The following LMO7 variants were observed in gnomAD, a reference collection of about 807,000 sequenced individuals.
LMO7 encodes LIM domain 7, also known as LIM domain only protein 7.
LMO7 carries 120 observed loss-of-function variants against 206.5 expected under a neutral mutation model. The ratio of observed to expected loss-of-function variants is 0.58; its 90% CI spans 0.50 to 0.68. The LOEUF is 0.68. Among genes scored for constraint, LMO7 ranks in the 30% least tolerant of loss-of-function variants. The probability of loss-of-function intolerance (pLI) is 0.00; values close to 1 mark genes in which losing one functional copy is unlikely to be tolerated. For synonymous variants in LMO7, 706 were observed against 681.5 expected (o/e 1.04, Z -0.56); for missense variants, 1,959 against 1,957.9 (o/e 1.00, Z -0.01).
intron 3 of LMO7, among the ~76,000 whole-genome samples, chr13:75,733,336 G>A (rs924928269): frequency 1.3e-5 from 2 of 152,186 alleles, no homozygotes; most frequent in African/African-American, 2.4e-5. Context: ...AATGGCGGGC[G>A]CCCCTCCCCC....
At chr13:75,738,799 C>T (rs767028693) in intron 3 of LMO7, among the ~76,000 whole-genome samples, 6 of 152,044 alleles carry the variant, frequency 3.9e-5, no homozygotes, top group Non-Finnish European at 7.4e-5. Context: ...TAATGTTTAC[C>T]ATCTGATATG....
intron 4 of LMO7, among the ~76,000 whole-genome samples, chr13:75,783,811 A>G (rs606853): frequency 0.014 from 2,160 of 152,154 alleles, 62 homozygotes; most frequent in African/African-American, 0.049. Flanking sequence ...CTTTGGTCTG[A>G]TGGTATGTTT....
chr13:75,832,901 C>A, intron 15 of LMO7, 150 bp from the exon 16 acceptor site: 1 of 517,600 alleles, frequency 1.9e-6, no homozygotes, highest in Non-Finnish European at 3.5e-6. Flanking sequence ...GAAAGTTTTA[C>A]CAACCTAAGG....
chr13:75,653,699 G>A (rs1458104985), intron 1 of LMO7, among the ~76,000 whole-genome samples: 1 of 152,156 alleles, frequency 6.6e-6, no homozygotes, highest in Non-Finnish European at 1.5e-5. Flanking sequence ...AGTCTGTAGT[G>A]GCTCAGGTAT....
At chr13:75,731,784 T>C (rs1389100907) in intron 3 of LMO7, among the ~76,000 whole-genome samples, 1 of 152,198 alleles carries the variant, frequency 6.6e-6, no homozygotes, top group African/African-American at 2.4e-5. Flanking sequence ...TTCCTTTCCA[T>C]GTTTAGCGCT....
rs149540094 is a variant in LMO7 at position 75,693,343 on chromosome 13, CTAT to C, written c.70-19833_70-19831del. On this transcript the variant is annotated intron_variant, in intron 1 of 30. Coordinates refer to ENST00000377534, the MANE Select transcript of LMO7 (RefSeq NM_001306080.2). Reference sequence around the variant, plus strand: ...TTTTTGTGTAGCACTGACATTTGTTCTATTATTAGCCTGTTTCTGGAATATGGG... The same window carrying C: ...TTTTTGTGTAGCACTGACATTTGTTCTATTAGCCTGTTTCTGGAATATGGG... Among the ~76,000 whole-genome samples, 766 of 152,252 alleles carry C rather than the reference CTAT, an allele frequency of 5.0e-3. 8 individuals are homozygous for C. Among genetic ancestry groups the C allele is most frequent in the African/African-American group, 0.018 (734 of 41,542 alleles).
intron 1 of LMO7, among the ~76,000 whole-genome samples, chr13:75,708,690 G>A (rs955728225): frequency 6.6e-6 from 1 of 152,198 alleles, no homozygotes; most frequent in African/African-American, 2.4e-5. Context: ...AGTTTCTCTT[G>A]CACAGGTTGG....
chr13:75,649,763 T>G (rs191311198), intron 1 of LMO7, among the ~76,000 whole-genome samples: 73 of 152,282 alleles, frequency 4.8e-4, no homozygotes, highest in Non-Finnish European at 8.7e-4. Flanking sequence ...GCCCTTAATA[T>G]CTAAGGAAAT....
chr13:75,681,730 A>G (rs199778043), intron 1 of LMO7, among the ~76,000 whole-genome samples: 43 of 130,322 alleles, frequency 3.3e-4, no homozygotes, highest in African/African-American at 1.1e-3. Flanking sequence ...ATATATATAT[A>G]TATATATATA....
rs530937325 is a variant in LMO7, at chr13:75,715,027, C to T, written c.140+1775C>T. ...AAAGCATATATCTCGAATATATGAT[C>T]TTTCAAAGAAGTAATTTTGTAGGTT... On this transcript the variant is annotated intron_variant, in intron 2 of 30. Transcript: ENST00000377534. Among the ~76,000 whole-genome samples, 4 of 152,262 alleles carry T rather than the reference C, an allele frequency of 2.6e-5. No individual in the cohort carries two copies. The South Asian group carries it at 8.3e-4, about 32-fold the overall frequency.
rs375786926 is a variant in LMO7, at chr13:75,763,269, G to A, written c.317+2231G>A. ...TGAATACACTTTAATGCACGGGATA[G>A]CCTCCACAACAAAGAATTTTCCTAC... On this transcript the variant is annotated intron_variant, in intron 4 of 30. Transcript: ENST00000377534. Among the ~76,000 whole-genome samples, 20 of 152,196 alleles carry A rather than the reference G, an allele frequency of 1.3e-4. No individual in the cohort carries two copies. The South Asian group carries it at 4.1e-3, about 32-fold the overall frequency.
In LMO7 at chr13:75,693,584, G is replaced by A. The variant is rs2041663987; in HGVS notation, c.70-19598G>A. ...CTCCATGCTCTGTTCCAGGACATAG[G>A]GTAATTATCATTATTCTCTGTTGTG... On this transcript the variant is annotated intron_variant, in intron 1 of 30. Coordinates refer to ENST00000377534, the MANE Select transcript of LMO7 (RefSeq NM_001306080.2). Among the ~76,000 whole-genome samples, 3 of 152,150 alleles carry A rather than the reference G, an allele frequency of 2.0e-5. No individual in the cohort carries two copies. The South Asian group carries it at 6.2e-4, about 32-fold the overall frequency.
chr13:75,822,092 T>C (rs2057639881), intron 14 of LMO7, among the ~76,000 whole-genome samples: 2 of 152,188 alleles, frequency 1.3e-5, no homozygotes, highest in South Asian at 2.1e-4. Flanking sequence ...CGTTTATATA[T>C]ATGTGTTTCT....
In LMO7 at chr13:75,822,826, AT is replaced by A. The variant is rs1253572307; in HGVS notation, c.2641-738del. Among the ~76,000 whole-genome samples, 85 of 12,330 alleles carry A rather than the reference AT, an allele frequency of 6.9e-3. 1 individual carries two copies. The highest frequency in any genetic ancestry group is 6.8e-3 in the Non-Finnish European group (30 of 4,444). 8.1% of individuals were successfully genotyped at this position (12,330 alleles called of 152,430 possible). ...CTAAAAATTATATATATATAATAAA[AT>A]ATATATATATATATATAAAACTTTT... On this transcript the variant is annotated intron_variant, in intron 14 of 30. Coordinates refer to ENST00000377534, the MANE Select transcript of LMO7 (RefSeq NM_001306080.2).
intron 3 of LMO7, among the ~76,000 whole-genome samples, chr13:75,749,676 T>C (rs1219316696): frequency 2.6e-5 from 4 of 152,214 alleles, no homozygotes; most frequent in Non-Finnish European, 5.9e-5. Context: ...GGCATTGTTA[T>C]CCTATGTAAT....
chr13:75,742,956 A>G (rs895479531), intron 3 of LMO7, among the ~76,000 whole-genome samples: 1 of 152,206 alleles, frequency 6.6e-6, no homozygotes, highest in African/African-American at 2.4e-5. Flanking sequence ...ATGGGAGAAA[A>G]TTTTTGCAAA....
At chr13:75,690,625 A>ACT (rs757807435) in intron 1 of LMO7, among the ~76,000 whole-genome samples, 1 of 151,946 alleles carries the variant, frequency 6.6e-6, no homozygotes, top group Non-Finnish European at 1.5e-5. Context: ...AGACTACTCA[A>ACT]CTCTCTCTCT....
At chr13:75,744,337 A>C (rs2046658021) in intron 3 of LMO7, among the ~76,000 whole-genome samples, 1 of 152,214 alleles carries the variant, frequency 6.6e-6, no homozygotes. Flanking sequence ...GTTTAAGAAC[A>C]CTTCCTAGAG....
At chr13:75,733,833 A>T (rs775816449) in intron 3 of LMO7, among the ~76,000 whole-genome samples, 1 of 152,142 alleles carries the variant, frequency 6.6e-6, no homozygotes, top group Non-Finnish European at 1.5e-5. Flanking sequence ...CAAACTTCAT[A>T]TGTTTCCTTT....
Sources: allele counts gnomAD v4.1 joint callset (sites outside exome capture counted in the v4.1 genomes callset), GRCh38; gene constraint gnomAD v4.1.1; transcripts MANE v1.5; gene names NCBI Gene and HGNC (gene_info 2026-07-23, HGNC 2026-07-21).